Variants in RNF182 observed in about 807,000 individuals in gnomAD.
RNF182 encodes ring finger protein 182, also known as E3 ubiquitin-protein ligase RNF182.
RNF182 carries 15 observed loss-of-function variants against 14.4 expected under a neutral mutation model. That is an observed-to-expected ratio of 1.04 (90% CI 0.70 to 1.60). RNF182 has a LOEUF of 1.60. RNF182 is among the 40% of genes most tolerant of loss of function. The probability of loss-of-function intolerance (pLI) is 0.00; values close to 1 mark genes in which losing one functional copy is unlikely to be tolerated. For missense variants in RNF182, 268 were observed against 294.8 expected, an observed-to-expected ratio of 0.91 and a Z score of 0.67; for synonymous variants, 128 against 122.9, an observed-to-expected ratio of 1.04 and a Z score of -0.27.
intron 1 of RNF182, among the ~76,000 whole-genome samples, chr6:13,934,548 T>G (rs969034355): frequency 6.6e-6 from 1 of 152,196 alleles, no homozygotes; most frequent in Non-Finnish European, 1.5e-5. Flanking sequence ...TTTACAACAG[T>G]TGTAATAGTT....
rs1365923583 is a variant in RNF182, at chr6:13,978,586, C to T, written c.*723C>T. The T allele has an allele frequency of 6.0e-6, 1 of 166,894 alleles. No homozygotes were observed. Among genetic ancestry groups the T allele is most frequent in the African/African-American group, 2.4e-5 (1 of 41,418 alleles). 10.3% of individuals were successfully genotyped at this position (166,894 alleles called of 1,614,324 possible). A position where few individuals can be genotyped will look rare whatever the true frequency, so the allele number is the denominator to read the frequency against. ...TGTTTTCCTCTCTCCTCAGTCTTAT[C>T]TGAGAAGAATGGAGGAGAAGGAACT... On this transcript the variant is annotated 3_prime_UTR_variant, in exon 3 of 3. Transcript: ENST00000488300.
chr6:13,952,608 G>C (rs915870929), intron 1 of RNF182, among the ~76,000 whole-genome samples: 1 of 152,120 alleles, frequency 6.6e-6, no homozygotes, highest in Admixed American at 6.5e-5. Context: ...CTTTGGTTAA[G>C]TGGGGGTCTC....
intron 1 of RNF182, 24 bp downstream of exon 1, chr6:13,925,047 GGGGAGGGGT>G (rs1758780295): frequency 2.0e-3 from 2 of 1,008 alleles, no homozygotes; most frequent in Admixed American, 0.011. Flanking sequence ...GCCCGCGGCC[GGGGAGGGGT>G]CGGCGGGACG....
At chr6:13,956,115 C>G (rs1055853234) in intron 1 of RNF182, among the ~76,000 whole-genome samples, 1 of 152,124 alleles carries the variant, frequency 6.6e-6, no homozygotes, top group Non-Finnish European at 1.5e-5. Context: ...CTGCAGATGA[C>G]AAGATTTCAT....
intron 1 of RNF182, among the ~76,000 whole-genome samples, chr6:13,939,710 A>AT (rs1483323184): frequency 6.6e-6 from 1 of 151,568 alleles, no homozygotes; most frequent in Non-Finnish European, 1.5e-5. Context: ...CGCCTGGCTA[A>AT]TTTTTTGTAT....
Position 13,977,270 on chromosome 6 carries a change from A to G in RNF182, c.151A>G (p.Ile51Val), listed in dbSNP as rs773237421. 4 of 1,614,126 alleles carry G rather than the reference A, an allele frequency of 2.5e-6. No individual in the cohort carries two copies. The highest frequency in any genetic ancestry group is 1.1e-5 in the South Asian group (1 of 91,080). ...HRVCAKCLYK[I>V]IDFGDSPQGV... ...GGTTTGTGCCAAATGCCTCTACAAG[A>G]TCATAGACTTTGGGGACTCCCCACA... Residue 51 changes from isoleucine to valine, a missense_variant, in exon 3 of 3, where the codon ATC (isoleucine) becomes GTC (valine). By Grantham distance (29) the Ile-to-Val change is conservative (BLOSUM62 3). Coordinates refer to ENST00000488300, the MANE Select transcript of RNF182 (RefSeq NM_152737.4).
intron 1 of RNF182, among the ~76,000 whole-genome samples, chr6:13,956,627 TCCTTTGC>T (rs1759739447): frequency 6.6e-6 from 1 of 152,148 alleles, no homozygotes; most frequent in Admixed American, 6.6e-5. Flanking sequence ...TCCCGGCCTG[TCCTTTGC>T]GTTAGACTAC....
At chr6:13,957,141 C>T (rs1759753300) in intron 1 of RNF182, among the ~76,000 whole-genome samples, 1 of 152,180 alleles carries the variant, frequency 6.6e-6, no homozygotes, top group Non-Finnish European at 1.5e-5. Context: ...ACTTAATATA[C>T]AATAAATATA....
intron 1 of RNF182, among the ~76,000 whole-genome samples, chr6:13,971,165 G>T (rs1276663903): frequency 6.6e-6 from 1 of 152,190 alleles, no homozygotes; most frequent in East Asian, 1.9e-4. Context: ...ATCTCACCTT[G>T]AACTGTAATA....
At chr6:13,965,776 TA>T (rs1467641311) in intron 1 of RNF182, among the ~76,000 whole-genome samples, 7 of 152,274 alleles carry the variant, frequency 4.6e-5, no homozygotes, top group Middle Eastern at 3.4e-3. Flanking sequence ...AAGAAGGCTT[TA>T]ATTGGGTGCT....
At chr6:13,956,189 T>A (rs1759724694) in intron 1 of RNF182, among the ~76,000 whole-genome samples, 1 of 152,256 alleles carries the variant, frequency 6.6e-6, no homozygotes, top group African/African-American at 2.4e-5. Flanking sequence ...TCCATTCATC[T>A]GTTGATGGCC....
intron 1 of RNF182, among the ~76,000 whole-genome samples, chr6:13,967,068 G>A (rs953986388): frequency 2.0e-5 from 3 of 151,942 alleles, no homozygotes; most frequent in African/African-American, 7.3e-5. Flanking sequence ...CAACTCTTGG[G>A]CTCAAGTGAT....
chr6:13,951,852 G>A lies in RNF182; in HGVS notation c.-366-22358G>A, dbSNP rs76464608. Among the ~76,000 whole-genome samples, 22 of 152,220 alleles carry A rather than the reference G, an allele frequency of 1.4e-4. No individual in the cohort carries two copies. The East Asian group carries it at 3.7e-3, about 25-fold the overall frequency. ...GATGCCACCCAACAGGCTATGTGGG[G>A]GAAACAAATGAACATTTTCCATTTT... On this transcript the variant is annotated intron_variant, in intron 1 of 2. Transcript: ENST00000488300.
At chr6:13,974,156 G>C (rs1760266425) in intron 1 of RNF182, 54 bp from the exon 2 acceptor site, 1 of 151,894 alleles carries the variant, frequency 6.6e-6, no homozygotes, top group Non-Finnish European at 1.5e-5. Context: ...TGTAGCAGTT[G>C]GTAGCCTGGC....
chr6:13,926,296 G>T (rs1379090767), intron 1 of RNF182, among the ~76,000 whole-genome samples: 2 of 152,186 alleles, frequency 1.3e-5, no homozygotes, highest in Admixed American at 6.5e-5. Context: ...CAGTTAAGTT[G>T]ATTGGAATTC....
Position 13,969,763 on chromosome 6 carries a change from ATTAT to A in RNF182, c.-366-4440_-366-4437del, listed in dbSNP as rs370264230. ...TAATTTATGAGAATAATAGTAGGTA[ATTAT>A]TTATTTGTATAGTCTTATCCCCAGA... On this transcript the variant is annotated intron_variant, in intron 1 of 2. Transcript: ENST00000488300. 6.5e-3 allele frequency among the ~76,000 whole-genome samples: 986 copies of A among 152,310 alleles called. 10 individuals carry two copies. Among genetic ancestry groups the A allele is most frequent in the African/African-American group, 0.023 (949 of 41,562 alleles).
At chr6:13,975,066 T>C (rs1250112926) in intron 2 of RNF182, among the ~76,000 whole-genome samples, 1 of 152,192 alleles carries the variant, frequency 6.6e-6, no homozygotes. Context: ...GTAAGAGCCT[T>C]GTGCTCAGCA....
chr6:13,960,720 AG>A (rs1759858722), intron 1 of RNF182, among the ~76,000 whole-genome samples: 1 of 150,316 alleles, frequency 6.7e-6, no homozygotes, highest in African/African-American at 2.4e-5. Context: ...TGTGATGTAC[AG>A]TATTAGTTAC....
In RNF182 at chr6:13,924,993, G is replaced by C. The variant is rs892460207; in HGVS notation, c.-397G>C. 1 of 14,102 alleles carries C rather than the reference G, an allele frequency of 7.1e-5. No homozygotes were observed. The highest frequency in any genetic ancestry group is 2.2e-3 in the East Asian group (1 of 450). The allele number at this position is 14,102 out of a possible 1,614,324, so 0.9% of individuals were successfully genotyped here. ...TCCCAGGCGCCGCCGCAGCCGGAGCGGCTCCCGGGCCCTGGGCCGCCGCCG... is the reference window on the plus strand; with the variant it reads ...TCCCAGGCGCCGCCGCAGCCGGAGCCGCTCCCGGGCCCTGGGCCGCCGCCG... On this transcript the variant is annotated 5_prime_UTR_variant, in exon 1 of 3. Transcript: ENST00000488300.
Sources: gnomAD v4.1 joint callset for allele counts (sites outside exome capture counted in the v4.1 genomes callset) on GRCh38, gnomAD v4.1.1 for gene constraint, MANE v1.5 for transcripts, NCBI Gene and HGNC (gene_info 2026-07-23, HGNC 2026-07-21) for gene names.